The following PSMC2 variants were observed in gnomAD, a reference collection of about 807,000 sequenced individuals.
The protein encoded by PSMC2 is 26S proteasome regulatory subunit 7.
PSMC2 carries 7 observed loss-of-function variants against 53.3 expected under a neutral mutation model. The ratio of observed to expected loss-of-function variants is 0.13; its 90% CI spans 0.07 to 0.25. PSMC2 has a LOEUF of 0.25. PSMC2 is among the 10% of genes least tolerant of loss of function. PSMC2 has a pLI of 1.00. For missense variants in PSMC2, 241 were observed against 544.0 expected (o/e 0.44, Z 5.54); for synonymous variants, 169 against 183.9 (o/e 0.92, Z 0.66).
intron 4 of PSMC2, among the ~76,000 whole-genome samples, chr7:103,359,138 CTTTTTTTTTT>C (rs35936603): frequency 1.1e-3 from 36 of 31,338 alleles, no homozygotes; most frequent in South Asian, 3.7e-3. Flanking sequence ...CCATGTCTGG[CTTTTTTTTTT>C]TTTTTTTTTT....
rs1174930770 is a variant in PSMC2, at chr7:103,362,772, G to A, written c.495+14G>A. 12 of 1,538,010 alleles carry A rather than the reference G, an allele frequency of 7.8e-6. No homozygotes were observed. The highest frequency in any genetic ancestry group is 9.8e-6 in the Non-Finnish European group (11 of 1,119,738). On this transcript the variant is annotated intron_variant, in intron 6 of 11. Coordinates refer to ENST00000292644, the MANE Select transcript of PSMC2 (RefSeq NM_002803.4). ...ACCATGATGCAGGTAAGAAACTATGGGAGGGAAAAGGAAGGCTATGTCTTT... is the reference window on the plus strand; with the variant it reads ...ACCATGATGCAGGTAAGAAACTATGAGAGGGAAAAGGAAGGCTATGTCTTT...
chr7:103,367,706 T>C lies in PSMC2; in HGVS notation c.1048-7T>C, dbSNP rs1451110667. On this transcript the variant is annotated splice_region_variant and splice_polypyrimidine_tract_variant and intron_variant, in intron 10 of 11. Coordinates refer to ENST00000292644, the MANE Select transcript of PSMC2 (RefSeq NM_002803.4). This position sits in a 1 kb window ranked among gnomAD's most constrained non-coding sequence, Gnocchi z 6.1. ...ATTTTAATATTTGTCAATTTTCTCATTTTTAGGGTCGGACCCACATATTTA... is the reference window on the plus strand; with the variant it reads ...ATTTTAATATTTGTCAATTTTCTCACTTTTAGGGTCGGACCCACATATTTA... 6.2e-7 allele frequency: 1 copy of C among 1,609,912 alleles called. No individual in the cohort carries two copies. The highest frequency in any genetic ancestry group is 1.7e-4 in the Middle Eastern group (1 of 6,054).
chr7:103,354,368 T>C (rs1819909068), intron 2 of PSMC2, among the ~76,000 whole-genome samples: 1 of 146,708 alleles, frequency 6.8e-6, no homozygotes, highest in African/African-American at 2.7e-5. Flanking sequence ...ACACACGATT[T>C]TTTTTTTTTT....
At chr7:103,348,741 G>A (rs1288023543) in intron 1 of PSMC2, 15 of 1,388,952 alleles carry the variant, frequency 1.1e-5, no homozygotes, top group African/African-American at 2.8e-5. Flanking sequence ...GTCAGTATGG[G>A]AAGGATATTG....
intron 1 of PSMC2, among the ~76,000 whole-genome samples, chr7:103,348,011 C>A (rs1003690291): frequency 4.6e-5 from 7 of 152,268 alleles, no homozygotes; most frequent in Admixed American, 6.5e-5. Flanking sequence ...ATTCTCAGCT[C>A]TCGGGTCTTG....
intron 4 of PSMC2, among the ~76,000 whole-genome samples, chr7:103,359,349 A>G (rs1472909828): frequency 6.6e-6 from 1 of 151,796 alleles, no homozygotes; most frequent in East Asian, 1.9e-4. Flanking sequence ...TTCAGATATC[A>G]TGAGGTTCAC....
At chr7:103,352,085 T>A (rs1317780577) in intron 1 of PSMC2, among the ~76,000 whole-genome samples, 1 of 151,852 alleles carries the variant, frequency 6.6e-6, no homozygotes, top group Non-Finnish European at 1.5e-5. Context: ...TATGGTCTAC[T>A]TCACTAGAGC....
intron 8 of PSMC2, among the ~76,000 whole-genome samples, chr7:103,364,757 G>A (rs1348237861): frequency 1.3e-5 from 2 of 151,924 alleles, no homozygotes; most frequent in African/African-American, 4.8e-5. Flanking sequence ...AGCTGCCTTT[G>A]TGGTCATTTG....
chr7:103,352,602 G>T, intron 1 of PSMC2: 1 of 388,502 alleles, frequency 2.6e-6, no homozygotes. Flanking sequence ...ACATGGTTTC[G>T]CCATGTGGTC....
chr7:103,367,265 A>C lies in PSMC2; in HGVS notation c.845-148A>C. On this transcript the variant is annotated intron_variant, in intron 9 of 11. Coordinates refer to ENST00000292644, the MANE Select transcript of PSMC2 (RefSeq NM_002803.4). The surrounding 1 kb of genome is among the most constrained non-coding windows in gnomAD (Gnocchi z 6.1). ...CTTTCTAATTAGTTTTATATAAAGCAAGCTGTTCTTACAGGATTTGCTTCA... is the reference window on the plus strand; with the variant it reads ...CTTTCTAATTAGTTTTATATAAAGCCAGCTGTTCTTACAGGATTTGCTTCA... 1.6e-6 allele frequency: 1 copy of C among 642,804 alleles called. No individual in the cohort carries two copies. The highest frequency in any genetic ancestry group is 2.8e-6 in the Non-Finnish European group (1 of 362,700). The allele number at this position is 642,804 out of a possible 1,614,324, so 39.8% of individuals were successfully genotyped here.
At chr7:103,363,523 A>T (rs1820529448) in intron 7 of PSMC2, 84 bp downstream of exon 7, 4 of 1,185,488 alleles carry the variant, frequency 3.4e-6, no homozygotes, top group Non-Finnish European at 3.7e-6. Context: ...TGTATATTAG[A>T]TGGCTTTTAA....
intron 4 of PSMC2, among the ~76,000 whole-genome samples, chr7:103,361,052 T>C (rs755358526): frequency 6.6e-6 from 1 of 150,560 alleles, no homozygotes. Flanking sequence ...AGGCGGAGAT[T>C]GTAATGAGCC....
chr7:103,350,623 G>C (rs1403773068), intron 1 of PSMC2, among the ~76,000 whole-genome samples: 1 of 151,950 alleles, frequency 6.6e-6, no homozygotes, highest in Non-Finnish European at 1.5e-5. Flanking sequence ...CTAGTAGTTA[G>C]GACAACAGGC....
chr7:103,353,815 C>G (rs1819867862), intron 1 of PSMC2, 106 bp from the exon 2 acceptor site: 1 of 935,266 alleles, frequency 1.1e-6, no homozygotes, highest in East Asian at 2.6e-5. Context: ...TTTTGACACT[C>G]ACTTAAAACA....
At chr7:103,353,859 T>G in intron 1 of PSMC2, 62 bp from the exon 2 acceptor site, 4 of 1,445,268 alleles carry the variant, frequency 2.8e-6, no homozygotes, top group South Asian at 2.4e-5. Context: ...CTCTAGTTTC[T>G]TTTTTAAAAA....
intron 4 of PSMC2, among the ~76,000 whole-genome samples, chr7:103,357,326 C>CAA (rs762310758): frequency 3.7e-4 from 29 of 77,840 alleles, no homozygotes; most frequent in African/African-American, 1.0e-3. Context: ...TACTCTGTCT[C>CAA]AAAAAAAAAA....
chr7:103,365,982 G>A, intron 8 of PSMC2, 94 bp from the exon 9 acceptor site: 1 of 982,592 alleles, frequency 1.0e-6, no homozygotes, highest in Non-Finnish European at 1.5e-6. Context: ...AATACTGTTA[G>A]GAATAAATAT....
chr7:103,364,714 C>G (rs904789929), intron 8 of PSMC2, among the ~76,000 whole-genome samples: 1 of 151,982 alleles, frequency 6.6e-6, no homozygotes, highest in Admixed American at 6.6e-5. Flanking sequence ...GGCCTGAGAC[C>G]TGAAATTTCT....
At chr7:103,362,908 C>T (rs909379008) in intron 6 of PSMC2, 150 bp downstream of exon 6, 3 of 616,392 alleles carry the variant, frequency 4.9e-6, no homozygotes, top group Non-Finnish European at 5.6e-6. Flanking sequence ...ATTCTCCTGC[C>T]TCAGCCTCCC....
Sources: allele counts gnomAD v4.1 joint callset (sites outside exome capture counted in the v4.1 genomes callset), GRCh38; gene constraint gnomAD v4.1.1; non-coding constraint Gnocchi (gnomAD v3.1); transcripts MANE v1.5; gene names NCBI Gene and HGNC (gene_info 2026-07-23, HGNC 2026-07-21).